The following MAGI2 variants were observed in gnomAD, a reference collection of about 807,000 sequenced individuals.
MAGI2 encodes membrane-associated guanylate kinase, WW and PDZ domain-containing protein 2.
A neutral mutation model predicts 133.3 loss-of-function variants in MAGI2; 35 were observed. The observed-to-expected ratio is 0.26, with a 90% confidence interval of 0.20 to 0.35. The LOEUF (loss-of-function observed/expected upper bound fraction) is 0.35, where lower values mean the gene tolerates loss of function less well. MAGI2 is among the 10% of genes least tolerant of loss of function. The pLI, the probability that MAGI2 is intolerant of heterozygous loss-of-function variation, is 1.00. For missense variants in MAGI2, 1,636 were observed against 1,863.4 expected (o/e 0.88, Z 2.25); for synonymous variants, 729 against 710.6 (o/e 1.03, Z -0.41).
chr7:78,652,290 A>C (rs889774906), intron 2 of MAGI2, among the ~76,000 whole-genome samples: 6 of 152,194 alleles, frequency 3.9e-5, no homozygotes, highest in African/African-American at 1.4e-4. Context: ...TTTTGCTTAC[A>C]TGGTGTTTGA....
At chr7:78,805,433 GT>G (rs1788495667) in intron 2 of MAGI2, among the ~76,000 whole-genome samples, 1 of 152,098 alleles carries the variant, frequency 6.6e-6, no homozygotes, top group Non-Finnish European at 1.5e-5. Context: ...AGAAGGGAAA[GT>G]GCTGAAGAGG....
At chr7:79,408,249 A>T (rs1359155646) in intron 1 of MAGI2, among the ~76,000 whole-genome samples, 1 of 152,192 alleles carries the variant, frequency 6.6e-6, no homozygotes, top group Non-Finnish European at 1.5e-5. Context: ...TGATGAAATT[A>T]TTACTAGGAA....
At chr7:79,318,764 A>C (rs999208838) in intron 1 of MAGI2, among the ~76,000 whole-genome samples, 29 of 152,152 alleles carry the variant, frequency 1.9e-4, no homozygotes, top group Non-Finnish European at 7.3e-5. Context: ...TGAAAAAATA[A>C]TTAAACAAAT....
intron 9 of MAGI2, among the ~76,000 whole-genome samples, chr7:78,263,053 C>T (rs752930733): frequency 3.2e-4 from 48 of 152,122 alleles, no homozygotes; most frequent in Non-Finnish European, 4.7e-4. Flanking sequence ...GCATTTAGCT[C>T]CCACTTATAA....
chr7:78,967,062 C>T (rs1057145726), intron 2 of MAGI2, among the ~76,000 whole-genome samples: 2 of 151,866 alleles, frequency 1.3e-5, no homozygotes, highest in African/African-American at 4.8e-5. Context: ...CTCAGCCTCC[C>T]GAGTAGCCAG....
chr7:78,114,437 T>G (rs1819659802), intron 20 of MAGI2, among the ~76,000 whole-genome samples: 1 of 152,228 alleles, frequency 6.6e-6, no homozygotes, highest in African/African-American at 2.4e-5. Context: ...GCCTCAATGC[T>G]TTGTTTCTCT....
At chr7:78,622,554 G>C (rs1807860086) in intron 3 of MAGI2, among the ~76,000 whole-genome samples, 1 of 151,976 alleles carries the variant, frequency 6.6e-6, no homozygotes, top group Non-Finnish European at 1.5e-5. Context: ...TATCCTGAAA[G>C]TACCAACAGT....
chr7:79,276,322 T>C (rs1222706833), intron 1 of MAGI2, among the ~76,000 whole-genome samples: 2 of 152,062 alleles, frequency 1.3e-5, no homozygotes, highest in Non-Finnish European at 2.9e-5. Flanking sequence ...GCTTATGTAG[T>C]AGAAATAGCA....
At chr7:79,084,714 T>TCC (rs1462905399) in intron 1 of MAGI2, among the ~76,000 whole-genome samples, 1 of 151,838 alleles carries the variant, frequency 6.6e-6, no homozygotes, top group Non-Finnish European at 1.5e-5. Context: ...CTAAGTTATG[T>TCC]CCATTTTTGA....
At chr7:78,211,749 C>T (rs904363110) in intron 10 of MAGI2, among the ~76,000 whole-genome samples, 3 of 152,216 alleles carry the variant, frequency 2.0e-5, no homozygotes, top group African/African-American at 7.2e-5. Flanking sequence ...AGGTGTTCAA[C>T]AATTTATTGC....
intron 21 of MAGI2, among the ~76,000 whole-genome samples, chr7:78,067,512 A>G (rs1457022026): frequency 6.6e-6 from 1 of 152,228 alleles, no homozygotes; most frequent in Non-Finnish European, 1.5e-5. Context: ...TGCATGCTGA[A>G]CCGACCAGAG....
At chr7:78,617,026 A>C (rs1184859463) in intron 3 of MAGI2, 3 of 152,216 alleles carry the variant, frequency 2.0e-5, no homozygotes, top group Non-Finnish European at 4.4e-5. Context: ...AGTGCAATAA[A>C]AAATAAATAA....
chr7:78,542,219 A>G (rs1291859124), intron 3 of MAGI2, among the ~76,000 whole-genome samples: 1 of 152,232 alleles, frequency 6.6e-6, no homozygotes, highest in East Asian at 1.9e-4. Flanking sequence ...ACAAAAATAG[A>G]AAGTAGACTG....
At chr7:78,371,371 T>C (rs1207040970) in intron 6 of MAGI2, among the ~76,000 whole-genome samples, 4 of 151,936 alleles carry the variant, frequency 2.6e-5, no homozygotes, top group Non-Finnish European at 5.9e-5. Context: ...CATGGATATG[T>C]ATTTATAACA....
intron 3 of MAGI2, among the ~76,000 whole-genome samples, chr7:78,535,068 G>T (rs1405304028): frequency 6.6e-6 from 1 of 152,114 alleles, no homozygotes; most frequent in East Asian, 1.9e-4. Flanking sequence ...GGAGGCGGAG[G>T]TTGCAGTGAG....
intron 2 of MAGI2, among the ~76,000 whole-genome samples, chr7:78,943,816 T>A (rs1584463884): frequency 6.6e-6 from 1 of 152,140 alleles, no homozygotes; most frequent in East Asian, 1.9e-4. Context: ...ATTTAAAATA[T>A]CATGTCTGGA....
chr7:79,094,715 C>T (rs1817370732), intron 1 of MAGI2, among the ~76,000 whole-genome samples: 2 of 152,198 alleles, frequency 1.3e-5, no homozygotes, highest in Admixed American at 1.3e-4. Context: ...TCTCCTTGTA[C>T]ATCTCTACAA....
At position 78,873,544 on chromosome 7, in the gene MAGI2, C is replaced by A. The variant is rs142294408; in HGVS notation, c.418+133546G>T. Among the ~76,000 whole-genome samples the A allele has an allele frequency of 5.1e-3, 778 of 152,122 alleles. 5 individuals carry two copies. The highest frequency in any genetic ancestry group is 0.018 in the African/African-American group (746 of 41,482). On this transcript the variant is annotated intron_variant, in intron 2 of 21. Coordinates refer to ENST00000354212, the MANE Select transcript of MAGI2 (RefSeq NM_012301.4). ...TGTCTCCCATCACCCCCAGATGGGA[C>A]CATTTAGTTGCAGGAAAACAAGCTC...
intron 6 of MAGI2, among the ~76,000 whole-genome samples, chr7:78,425,040 C>G (rs1799155805): frequency 1.3e-5 from 2 of 152,130 alleles, no homozygotes; most frequent in South Asian, 4.2e-4. Flanking sequence ...GGGCCAGGGA[C>G]AGGATGATAT....
Sources: allele counts gnomAD v4.1 joint callset (sites outside exome capture counted in the v4.1 genomes callset), GRCh38; gene constraint gnomAD v4.1.1; transcripts MANE v1.5; gene names NCBI Gene and HGNC (gene_info 2026-07-23, HGNC 2026-07-21).